Variants in ANKRD17 observed in about 807,000 individuals in gnomAD.
The protein encoded by ANKRD17 is ankyrin repeat domain 17, also known as ankyrin repeat domain-containing protein 17.
ANKRD17 carries 19 observed loss-of-function variants against 229.7 expected under a neutral mutation model. The observed-to-expected ratio is 0.08, with a 90% CI of 0.06 to 0.12. The LOEUF (loss-of-function observed/expected upper bound fraction) is 0.12. Among genes scored for constraint, ANKRD17 ranks in the 10% least tolerant of loss-of-function variants. The pLI, the probability that ANKRD17 is intolerant of heterozygous loss-of-function variation, is 1.00. For missense variants in ANKRD17, 2,176 were observed against 3,176.8 expected, an observed-to-expected ratio of 0.68 and a Z score of 7.57; for synonymous variants, 1,112 against 1,146.1, an observed-to-expected ratio of 0.97 and a Z score of 0.60.
intron 1 of ANKRD17, among the ~76,000 whole-genome samples, chr4:73,215,453 T>A (rs1033479817): frequency 1.3e-5 from 2 of 152,134 alleles, no homozygotes; most frequent in Non-Finnish European, 2.9e-5. Context: ...AGAGACAGGG[T>A]TTCACCATGT....
intron 1 of ANKRD17, among the ~76,000 whole-genome samples, chr4:73,199,442 T>C (rs1253549220): frequency 6.6e-6 from 1 of 152,194 alleles, no homozygotes; most frequent in African/African-American, 2.4e-5. Flanking sequence ...AGTACCCCTA[T>C]TAATTTCATC....
intron 24 of ANKRD17, among the ~76,000 whole-genome samples, chr4:73,103,724 C>G (rs1298609414): frequency 6.6e-6 from 1 of 152,104 alleles, no homozygotes; most frequent in South Asian, 2.1e-4. Context: ...AATTCATAAG[C>G]CAAACAATAT....
Position 73,102,713 on chromosome 4 carries a change from C to T in ANKRD17, c.4402-166G>A, listed in dbSNP as rs552757225. 4 of 675,400 alleles carry T rather than the reference C, an allele frequency of 5.9e-6. No individual in the cohort carries two copies. The South Asian group carries it at 6.8e-5, about 11-fold the overall frequency. The allele number at this position is 675,400 out of a possible 1,614,324, so 41.8% of individuals were successfully genotyped here. On this transcript the variant is annotated intron_variant, in intron 24 of 33. Transcript: ENST00000358602. ...TCATATTCAAACCACTCTAAAGAGA[C>T]AATATTTTTACAATATCAAGATCAA...
In ANKRD17 at chr4:73,135,178, CTTGGAG is replaced by C. The variant is rs770754234; in HGVS notation, c.3167_3172del (p.Thr1056_Pro1057del). On this transcript the variant is annotated inframe_deletion, in exon 16 of 34. Transcript: ENST00000358602. ...CATGGCTGAAGGAGAGATGATAGGA[CTTGGAG>C]TTGGAGTCTGAGGTTGGGAAATGGA... is the stretch of plus-strand genomic sequence containing the variant. 38 of 1,613,758 alleles carry C rather than the reference CTTGGAG, an allele frequency of 2.4e-5. No homozygotes were observed. The highest frequency in any genetic ancestry group is 3.1e-5 in the Non-Finnish European group (36 of 1,179,782).
chr4:73,148,695 T>A (rs1239401743), intron 8 of ANKRD17, 118 bp downstream of exon 8: 3 of 890,678 alleles, frequency 3.4e-6, no homozygotes, highest in African/African-American at 1.7e-5. Context: ...TATCACTGGT[T>A]TGTGTAATAG....
In ANKRD17 at chr4:73,140,226, C is replaced by T; in HGVS notation, c.2390G>A (p.Gly797Asp). ...HLPANSQDVQGYITNQSPESI... is the reference protein window; with the variant it reads ...HLPANSQDVQDYITNQSPESI... The stretch of plus-strand genomic sequence containing the variant: ...CTCTGGAGACTGATTGGTGATGTAA[C>T]CCTGTACATCCTGGCTGTTTGCTGG... Residue 797 changes from glycine to aspartate, a missense_variant, in exon 15 of 34, where the codon GGT becomes GAT. This residue lies in a region of ANKRD17 where 275 missense variants were observed against 386.9 expected (regional missense o/e 0.71). Coordinates refer to ENST00000358602, the MANE Select transcript of ANKRD17 (RefSeq NM_032217.5). The T allele has an allele frequency of 3.1e-6, 5 of 1,608,016 alleles. No homozygotes were observed. The highest frequency in any genetic ancestry group is 3.4e-6 in the Non-Finnish European group (4 of 1,178,604).
At chr4:73,088,473 A>AT (rs1199648525) in intron 29 of ANKRD17, among the ~76,000 whole-genome samples, 3 of 152,062 alleles carry the variant, frequency 2.0e-5, no homozygotes, top group South Asian at 2.1e-4. Flanking sequence ...ATAGGAATTT[A>AT]TTTTTTTGTT....
rs779221287 is a variant in ANKRD17 at position 73,139,746 on chromosome 4, G to A, written c.2870C>T (p.Ala957Val). The part of the protein sequence containing the change: ...QMGFAPIQPL[A>V]MPQALPLAAG... ...CGCCAGAGGCAAAGCTTGAGGCATC[G>A]CCAGAGGCTGGATTGGCGCAAAACC... Residue 957 changes from alanine to valine, a missense_variant, in exon 15 of 34, where the codon GCG (alanine) becomes GTG (valine). Ala to Val is a moderately conservative substitution (Grantham distance 64, BLOSUM62 0). This residue lies in a region of ANKRD17 where 230 missense variants were observed against 252.3 expected (regional missense o/e 0.91). Coordinates refer to ENST00000358602, the MANE Select transcript of ANKRD17 (RefSeq NM_032217.5). 18 of 1,614,058 alleles carry A rather than the reference G, an allele frequency of 1.1e-5. No homozygotes were observed. Among genetic ancestry groups the A allele is most frequent in the Admixed American group, 5.0e-5 (3 of 60,006 alleles).
intron 1 of ANKRD17, among the ~76,000 whole-genome samples, chr4:73,256,197 T>G (rs1745440658): frequency 6.6e-6 from 1 of 152,204 alleles, no homozygotes; most frequent in African/African-American, 2.4e-5. Flanking sequence ...AAAACAAACC[T>G]GACCCACAAA....
At position 73,073,567 on chromosome 4, in the gene ANKRD17, G is replaced by T. The variant is rs900204514; in HGVS notation, c.*2664C>A. ...ATTATTTTTGTGAAGAACAAGACAG[G>T]ATTAGTTAATAAGCTATTTACCTTT... On this transcript the variant is annotated 3_prime_UTR_variant, in exon 34 of 34. Transcript: ENST00000358602. 1 of 151,972 alleles carries T rather than the reference G, an allele frequency of 6.6e-6. No individual in the cohort carries two copies. Among genetic ancestry groups the T allele is most frequent in the Non-Finnish European group, 1.5e-5 (1 of 67,888 alleles). The allele number at this position is 151,972 out of a possible 1,614,324, so 9.4% of individuals were successfully genotyped here.
intron 1 of ANKRD17, among the ~76,000 whole-genome samples, chr4:73,223,724 A>T (rs1481056357): frequency 6.6e-6 from 1 of 152,218 alleles, no homozygotes; most frequent in Non-Finnish European, 1.5e-5. Flanking sequence ...TTTACTAACC[A>T]AAGAAATGGC....
At chr4:73,147,211 A>G (rs763418226) in intron 9 of ANKRD17, 30 bp downstream of exon 9, 2 of 1,511,190 alleles carry the variant, frequency 1.3e-6, no homozygotes, top group East Asian at 4.6e-5. Flanking sequence ...AATCATGTAA[A>G]AAACTTCTCC....
At chr4:73,193,936 A>T (rs1737488583) in intron 1 of ANKRD17, among the ~76,000 whole-genome samples, 1 of 152,150 alleles carries the variant, frequency 6.6e-6, no homozygotes. Flanking sequence ...TGTCTCAAAA[A>T]CAACAACAAA....
At chr4:73,212,592 G>T (rs1339413448) in intron 1 of ANKRD17, among the ~76,000 whole-genome samples, 1 of 149,122 alleles carries the variant, frequency 6.7e-6, no homozygotes, top group African/African-American at 2.5e-5. Context: ...AACTGAGAAA[G>T]ATATTAAAAA....
intron 1 of ANKRD17, among the ~76,000 whole-genome samples, chr4:73,182,477 C>G (rs1735711491): frequency 6.6e-6 from 1 of 152,150 alleles, no homozygotes; most frequent in African/African-American, 2.4e-5. Flanking sequence ...TACTTTCCAC[C>G]AGCAAATACA....
At chr4:73,180,689 A>G (rs565835447) in intron 1 of ANKRD17, among the ~76,000 whole-genome samples, 2 of 152,332 alleles carry the variant, frequency 1.3e-5, no homozygotes, top group Admixed American at 1.3e-4. Flanking sequence ...AGAAAAGAAC[A>G]GGAATGAATA....
intron 6 of ANKRD17, 107 bp downstream of exon 6, chr4:73,153,773 C>T (rs1037327777): frequency 2.1e-5 from 16 of 766,428 alleles, no homozygotes; most frequent in Non-Finnish European, 2.7e-5. Context: ...TAATTACATA[C>T]TATATACTAT....
chr4:73,092,188 C>A lies in ANKRD17; in HGVS notation c.5440G>T (p.Ala1814Ser). The A allele has an allele frequency of 2.5e-6, 4 of 1,614,098 alleles. No individual in the cohort carries two copies. The highest frequency in any genetic ancestry group is 3.4e-6 in the Non-Finnish European group (4 of 1,180,018). ...GCTGATGACCCTATTTTGGAATTTGCTGAGGAGCTTTTCAAACGATTCTTT... is the reference window on the plus strand; with the variant it reads ...GCTGATGACCCTATTTTGGAATTTGATGAGGAGCTTTTCAAACGATTCTTT... ...IPKNRLKSSS[A>S]NSKIGSSAPT... Residue 1814 changes from alanine (A) to serine (S), a missense_variant, in exon 29 of 34, where the codon GCA becomes TCA. Around this residue, in one of 18 missense-constraint regions of ANKRD17, gnomAD observed 142 missense variants for 200.4 expected, o/e 0.71. Coordinates refer to ENST00000358602, the MANE Select transcript of ANKRD17 (RefSeq NM_032217.5).
intron 1 of ANKRD17, among the ~76,000 whole-genome samples, chr4:73,243,088 G>C (rs1260094240): frequency 6.6e-6 from 1 of 152,130 alleles, no homozygotes; most frequent in East Asian, 1.9e-4. Flanking sequence ...TAGGAAGAAA[G>C]TAAAAAGACC....
Sources: gnomAD v4.1 joint callset for allele counts (sites outside exome capture counted in the v4.1 genomes callset) on GRCh38, gnomAD v4.1.1 for gene constraint, gnomAD v4.1.1 regional missense constraint, MANE v1.5 for transcripts, NCBI Gene and HGNC (gene_info 2026-07-23, HGNC 2026-07-21) for gene names.